The following MCC variants were observed in gnomAD, a reference collection of about 807,000 sequenced individuals.
MCC encodes MCC regulator of Wnt signaling pathway.
In MCC, 90 loss-of-function variants were observed where a neutral mutation model predicts 116.2. That is an observed-to-expected ratio of 0.77 (90% CI 0.65 to 0.92). The LOEUF (loss-of-function observed/expected upper bound fraction) is 0.92, where lower values mean the gene tolerates loss of function less well. Ranked by LOEUF, MCC falls within the 40% of genes least tolerant of loss-of-function variation. MCC has a pLI of 0.00. For synonymous variants in MCC, 578 were observed against 510.5 expected (o/e 1.13, Z -1.78); for missense variants, 1,516 against 1,312.2 (o/e 1.16, Z -2.40).
chr5:113,352,149 C>T (rs1768284149), intron 2 of MCC, among the ~76,000 whole-genome samples: 1 of 152,148 alleles, frequency 6.6e-6, no homozygotes, highest in Admixed American at 6.5e-5. Flanking sequence ...GTTCCCATTA[C>T]TCTCTTTTAA....
rs532757616 is a variant in MCC at position 113,176,651 on chromosome 5, A to C, written c.628-25229T>G. On this transcript the variant is annotated intron_variant, in intron 3 of 18. Coordinates refer to ENST00000408903, the MANE Select transcript of MCC (RefSeq NM_001085377.2). Reference sequence around the variant, plus strand: ...CCCTGCAAACTAACCCACCCCGTACATCCAGCTTGCTAGGCAATTGAACTG... The same window carrying C: ...CCCTGCAAACTAACCCACCCCGTACCTCCAGCTTGCTAGGCAATTGAACTG... Among the ~76,000 whole-genome samples, 8 of 152,268 alleles carry C rather than the reference A, an allele frequency of 5.3e-5. No individual in the cohort carries two copies. In the East Asian group the frequency reaches 1.5e-3, roughly 29 times the overall value.
At chr5:113,293,254 C>A (rs1766579680) in intron 3 of MCC, among the ~76,000 whole-genome samples, 1 of 152,092 alleles carries the variant, frequency 6.6e-6, no homozygotes. Context: ...CACACACCCC[C>A]GCAGGGGCTC....
At chr5:113,099,904 T>C (rs1756288637) in intron 8 of MCC, among the ~76,000 whole-genome samples, 2 of 152,234 alleles carry the variant, frequency 1.3e-5, no homozygotes, top group African/African-American at 4.8e-5. Context: ...ACCATCAGAA[T>C]GCACACACTA....
chr5:113,217,229 AG>A (rs1763357235), intron 3 of MCC, among the ~76,000 whole-genome samples: 1 of 152,194 alleles, frequency 6.6e-6, no homozygotes, highest in Non-Finnish European at 1.5e-5. Flanking sequence ...TCTCCCATAA[AG>A]ATTCATTGGT....
intron 17 of MCC, among the ~76,000 whole-genome samples, chr5:113,042,608 A>C (rs1751792104): frequency 6.6e-6 from 1 of 152,048 alleles, no homozygotes; most frequent in Non-Finnish European, 1.5e-5. Context: ...AATGAACCTA[A>C]CTAAAGAATA....
intron 6 of MCC, among the ~76,000 whole-genome samples, chr5:113,120,014 C>T (rs75214919): frequency 0.014 from 2,165 of 152,300 alleles, 20 homozygotes; most frequent in Middle Eastern, 0.034. Flanking sequence ...ACTTCCCAAA[C>T]TTATTTAATT....
chr5:113,478,616 T>C (rs544635338), intron 1 of MCC, among the ~76,000 whole-genome samples: 2 of 152,282 alleles, frequency 1.3e-5, no homozygotes, highest in Admixed American at 6.5e-5. Flanking sequence ...GGAAGTCAAG[T>C]ATGCAGTTAC....
intron 11 of MCC, among the ~76,000 whole-genome samples, chr5:113,081,515 C>T (rs1228521206): frequency 6.6e-6 from 1 of 152,152 alleles, no homozygotes; most frequent in Non-Finnish European, 1.5e-5. Flanking sequence ...CTGCCCTATT[C>T]AAGGTCAGCC....
intron 5 of MCC, among the ~76,000 whole-genome samples, chr5:113,135,131 G>A (rs1325240044): frequency 3.3e-5 from 5 of 150,816 alleles, no homozygotes; most frequent in African/African-American, 4.9e-5. Context: ...GTGGAGACGG[G>A]GTTTCACCAT....
At chr5:113,138,671 C>T (rs1295470533) in intron 5 of MCC, among the ~76,000 whole-genome samples, 1 of 152,164 alleles carries the variant, frequency 6.6e-6, no homozygotes, top group African/African-American at 2.4e-5. Context: ...GACTGATATG[C>T]CTTCCTAAGT....
At chr5:113,272,705 G>A (rs971440987) in intron 3 of MCC, among the ~76,000 whole-genome samples, 4 of 152,094 alleles carry the variant, frequency 2.6e-5, no homozygotes, top group African/African-American at 7.2e-5. Context: ...TAGGTTCTTG[G>A]AATTTATGAG....
chr5:113,406,386 A>G (rs1449454191), intron 1 of MCC, among the ~76,000 whole-genome samples: 1 of 152,200 alleles, frequency 6.6e-6, no homozygotes, highest in Non-Finnish European at 1.5e-5. Context: ...GCCATCGAAT[A>G]ATAATTCTAG....
intron 5 of MCC, 62 bp downstream of exon 5, chr5:113,143,156 T>C: frequency 2.0e-6 from 3 of 1,509,198 alleles, no homozygotes; most frequent in Non-Finnish European, 2.6e-6. Context: ...TGGGGCTACT[T>C]CAGCTCCAAG....
chr5:113,444,978 A>G (rs1355498341), intron 1 of MCC, among the ~76,000 whole-genome samples: 8 of 152,130 alleles, frequency 5.3e-5, no homozygotes, highest in Non-Finnish European at 1.2e-4. Flanking sequence ...CAGAGCTAGT[A>G]AAGGGCAGAA....
intron 13 of MCC, among the ~76,000 whole-genome samples, chr5:113,065,228 T>G (rs72803223): frequency 8.5e-5 from 13 of 152,260 alleles, no homozygotes; most frequent in Non-Finnish European, 1.3e-4. Context: ...GGTTCATCAC[T>G]TGTAACTAAT....
At chr5:113,317,442 A>G (rs1767313090) in intron 3 of MCC, among the ~76,000 whole-genome samples, 1 of 152,208 alleles carries the variant, frequency 6.6e-6, no homozygotes, top group Non-Finnish European at 1.5e-5. Context: ...AAATGACACT[A>G]TAATAGCCAT....
intron 4 of MCC, among the ~76,000 whole-genome samples, chr5:113,150,124 A>G (rs1293976636): frequency 6.6e-6 from 1 of 151,708 alleles, no homozygotes; most frequent in Non-Finnish European, 1.5e-5. Flanking sequence ...ATTGAACAGG[A>G]TGGGAATAAT....
At chr5:113,362,985 T>TA (rs1036370660) in intron 2 of MCC, among the ~76,000 whole-genome samples, 8 of 151,392 alleles carry the variant, frequency 5.3e-5, no homozygotes, top group African/African-American at 9.7e-5. Flanking sequence ...GCACTGCTAT[T>TA]AAAAAAAAAC....
At chr5:113,206,695 C>T (rs1371469398) in intron 3 of MCC, among the ~76,000 whole-genome samples, 1 of 152,110 alleles carries the variant, frequency 6.6e-6, no homozygotes, top group Non-Finnish European at 1.5e-5. Context: ...TGCGACAGAG[C>T]GAGACTGTCT....
Sources: gnomAD v4.1 joint callset for allele counts (sites outside exome capture counted in the v4.1 genomes callset) on GRCh38, gnomAD v4.1.1 for gene constraint, MANE v1.5 for transcripts, NCBI Gene and HGNC (gene_info 2026-07-23, HGNC 2026-07-21) for gene names.